The following C5orf46 variants were observed in gnomAD, a reference collection of about 807,000 sequenced individuals.
C5orf46 encodes the protein chromosome 5 open reading frame 46, also known as uncharacterized protein C5orf46.
A neutral mutation model predicts 8.9 loss-of-function variants in C5orf46; 9 were observed. The observed-to-expected ratio is 1.01, with a 90% CI of 0.61 to 1.76. The LOEUF is 1.76. Ranked by LOEUF, C5orf46 falls within the 40% of genes most tolerant of loss-of-function variation. C5orf46 has a pLI of 0.00. For missense variants in C5orf46, 98 were observed against 107.8 expected (o/e 0.91, Z 0.40); for synonymous variants, 47 against 41.4 (o/e 1.14, Z -0.52).
chr5:147,903,827 A>C (rs73263257), intron 1 of C5orf46, among the ~76,000 whole-genome samples: 5,249 of 152,262 alleles, frequency 0.034, 296 homozygotes, highest in African/African-American at 0.12. Flanking sequence ...AGCTCACTGC[A>C]GGCTCAACGT....
chr5:147,890,520 T>A (rs1353661331), downstream of C5orf46, among the ~76,000 whole-genome samples: 1 of 152,098 alleles, frequency 6.6e-6, no homozygotes, highest in Non-Finnish European at 1.5e-5. Flanking sequence ...AAAATATATA[T>A]CCATAGGAGG....
At chr5:147,888,470 C>G (rs1007517090), downstream of C5orf46, among the ~76,000 whole-genome samples, 36 of 152,186 alleles carry the variant, frequency 2.4e-4, no homozygotes, top group Admixed American at 2.2e-3. Flanking sequence ...TTTCCAGCCA[C>G]CTTGACGTTT....
chr5:147,900,014 A>C (rs1757642740), intron 2 of C5orf46, among the ~76,000 whole-genome samples: 1 of 152,184 alleles, frequency 6.6e-6, no homozygotes, highest in African/African-American at 2.4e-5. Context: ...AACACAGAGA[A>C]AAATGTCCTA....
At chr5:147,889,749 G>A (rs1253230579), downstream of C5orf46, among the ~76,000 whole-genome samples, 3 of 152,094 alleles carry the variant, frequency 2.0e-5, no homozygotes, top group African/African-American at 4.8e-5. Flanking sequence ...TGGCTCCAGC[G>A]TTACTCAACT....
chr5:147,898,070 C>A (rs966550019), intron 2 of C5orf46, among the ~76,000 whole-genome samples: 1 of 151,800 alleles, frequency 6.6e-6, no homozygotes, highest in African/African-American at 2.4e-5. Flanking sequence ...AGTGATATGA[C>A]CAAATTTAAA....
intron 2 of C5orf46, chr5:147,887,411 G>T (rs1757438977): frequency 6.6e-6 from 1 of 152,010 alleles, no homozygotes; most frequent in Non-Finnish European, 1.5e-5. Flanking sequence ...TTGTTAAATG[G>T]TGCATTCTTT....
chr5:147,903,724 C>A (rs1580988332), intron 1 of C5orf46, among the ~76,000 whole-genome samples: 1 of 152,236 alleles, frequency 6.6e-6, no homozygotes, highest in East Asian at 1.9e-4. Context: ...TTCCTTCATT[C>A]AAAAAGTATT....
chr5:147,904,705 A>T (rs1015457494), intron 1 of C5orf46, among the ~76,000 whole-genome samples: 1 of 152,042 alleles, frequency 6.6e-6, no homozygotes, highest in African/African-American at 2.4e-5. Context: ...AGTTTTATAG[A>T]TCTGTCTGAT....
At chr5:147,906,297 G>A in intron 1 of C5orf46, 135 bp downstream of exon 1, 1 of 465,478 alleles carries the variant, frequency 2.1e-6, no homozygotes, top group Non-Finnish European at 3.9e-6. Context: ...TACACCTCTT[G>A]TCTCCCAGGC....
chr5:147,906,495 C>T lies in C5orf46; in HGVS notation c.7G>A (p.Val3Ile), dbSNP rs1347444487. 2 of 1,609,766 alleles carry T rather than the reference C, an allele frequency of 1.2e-6. No individual in the cohort carries two copies. Among genetic ancestry groups the T allele is most frequent in the Non-Finnish European group, 1.7e-6 (2 of 1,176,928 alleles). MA[V>I]SVLRLTVVLG... ...ACAACTGTCAGGCGAAGTACTGAGA[C>T]AGCCATTCTGGTAGCACGGGGTATT... Residue 3 changes from valine (V) to isoleucine (I), a missense_variant, in exon 1 of 4, where the codon GTC (valine) becomes ATC (isoleucine). Physicochemically the swap from Val to Ile is conservative, Grantham distance 29. Coordinates refer to ENST00000318315, the MANE Select transcript of C5orf46 (RefSeq NM_206966.3).
chr5:147,896,248 T>A (rs1757578457), intron 3 of C5orf46, among the ~76,000 whole-genome samples: 1 of 152,188 alleles, frequency 6.6e-6, no homozygotes, highest in Admixed American at 6.5e-5. Flanking sequence ...TGTGTCTTCA[T>A]CCTTTATCAA....
downstream of C5orf46, among the ~76,000 whole-genome samples, chr5:147,892,257 G>C (rs1225932020): frequency 6.6e-6 from 1 of 152,146 alleles, no homozygotes; most frequent in Non-Finnish European, 1.5e-5. Flanking sequence ...GTAATAAGGT[G>C]GTGGCACGAA....
intron 3 of C5orf46, 39 bp downstream of exon 3, chr5:147,896,945 C>T (rs968977709): frequency 3.6e-6 from 4 of 1,101,780 alleles, no homozygotes; most frequent in Non-Finnish European, 5.3e-6. Context: ...TTGTCCAATA[C>T]ACTGTTATTT....
chr5:147,891,330 G>A (rs1258448638), downstream of C5orf46, among the ~76,000 whole-genome samples: 1 of 152,204 alleles, frequency 6.6e-6, no homozygotes, highest in Non-Finnish European at 1.5e-5. Context: ...AGGTGTACCT[G>A]CTGGCTGAAG....
chr5:147,887,593 A>G (rs1757441561), intron 2 of C5orf46: 1 of 152,338 alleles, frequency 6.6e-6, no homozygotes, highest in East Asian at 1.9e-4. Flanking sequence ...GGAAGCATAC[A>G]GTAATAAATT....
At chr5:147,890,248 A>C (rs1757482749), downstream of C5orf46, among the ~76,000 whole-genome samples, 1 of 152,170 alleles carries the variant, frequency 6.6e-6, no homozygotes, top group Admixed American at 6.5e-5. Flanking sequence ...ATCATGAGAT[A>C]TTCAACTGTG....
chr5:147,887,662 A>G (rs1253986219), intron 2 of C5orf46: 1 of 152,152 alleles, frequency 6.6e-6, no homozygotes, highest in Non-Finnish European at 1.5e-5. Context: ...AAACCACACA[A>G]ATAAACATGG....
downstream of C5orf46, among the ~76,000 whole-genome samples, chr5:147,890,735 G>A (rs1057254517): frequency 2.0e-5 from 3 of 152,004 alleles, no homozygotes; most frequent in Admixed American, 1.3e-4. Flanking sequence ...GAACATACTT[G>A]GACTATTTAA....
chr5:147,896,834 A>G (rs1757587542), intron 3 of C5orf46, 150 bp downstream of exon 3: 1 of 427,582 alleles, frequency 2.3e-6, no homozygotes, highest in African/African-American at 2.0e-5. Flanking sequence ...TGTACATGAA[A>G]AAAATATATT....
Sources: gnomAD v4.1 joint callset for allele counts (sites outside exome capture counted in the v4.1 genomes callset) on GRCh38, gnomAD v4.1.1 for gene constraint, MANE v1.5 for transcripts, NCBI Gene and HGNC (gene_info 2026-07-23, HGNC 2026-07-21) for gene names.